Variants in LRRC69 observed in about 807,000 individuals in gnomAD.
LRRC69 encodes the protein leucine rich repeat containing 69, also known as leucine-rich repeat-containing protein 69.
LRRC69 carries 42 observed loss-of-function variants against 37.8 expected under a neutral mutation model. The ratio of observed to expected loss-of-function variants is 1.11; its 90% confidence interval spans 0.87 to 1.44. The LOEUF is 1.44. LRRC69 is among the 40% of genes most tolerant of loss of function. LRRC69 has a pLI of 0.00. For synonymous variants in LRRC69, 141 were observed against 143.1 expected, an observed-to-expected ratio of 0.99 and a Z score of 0.11; for missense variants, 357 against 401.9, an observed-to-expected ratio of 0.89 and a Z score of 0.96.
chr8:91,148,743 T>A (rs1808670817), intron 5 of LRRC69, among the ~76,000 whole-genome samples: 1 of 152,096 alleles, frequency 6.6e-6, no homozygotes, highest in East Asian at 1.9e-4. Context: ...CTCCAGCACC[T>A]GTTGTTTCCT....
chr8:91,132,778 G>A (rs151041075), intron 3 of LRRC69, among the ~76,000 whole-genome samples: 19 of 151,962 alleles, frequency 1.3e-4, no homozygotes, highest in East Asian at 9.7e-4. Flanking sequence ...AGGTATGTCC[G>A]TGTTCTCCTT....
chr8:91,156,045 T>A (rs562854357), intron 5 of LRRC69, among the ~76,000 whole-genome samples: 2 of 148,894 alleles, frequency 1.3e-5, no homozygotes, highest in Non-Finnish European at 3.0e-5. Context: ...TTCTTTGATA[T>A]ACTGATTTCC....
At chr8:91,114,377 T>C (rs1813469754) in intron 1 of LRRC69, among the ~76,000 whole-genome samples, 2 of 151,896 alleles carry the variant, frequency 1.3e-5, no homozygotes, top group African/African-American at 4.8e-5. Flanking sequence ...TTATTCACAA[T>C]AGCCAAGATA....
At chr8:91,123,299 G>A (rs1395511566) in intron 1 of LRRC69, among the ~76,000 whole-genome samples, 3 of 151,918 alleles carry the variant, frequency 2.0e-5, no homozygotes, top group Admixed American at 6.6e-5. Flanking sequence ...TACAGACTCT[G>A]GATAAAATAG....
chr8:91,204,791 A>G (rs764309164), intron 7 of LRRC69, among the ~76,000 whole-genome samples: 4 of 152,260 alleles, frequency 2.6e-5, no homozygotes, highest in Non-Finnish European at 4.4e-5. Context: ...GAGATACATT[A>G]TCTTTCTCAA....
chr8:91,121,362 C>A lies in LRRC69; in HGVS notation c.184-3131C>A, dbSNP rs538949920. The stretch of plus-strand genomic sequence containing the variant: ...ACTGAACTTAGAGTAAAATCCCAAC[C>A]CCTTACCCTAGTTTATGAAACCATA... On this transcript the variant is annotated intron_variant, in intron 1 of 7. Coordinates refer to ENST00000448384, the Ensembl canonical transcript of LRRC69. Among the ~76,000 whole-genome samples, 13 of 152,142 alleles carry A rather than the reference C, an allele frequency of 8.5e-5. No individual in the cohort carries two copies. In the South Asian group the frequency reaches 2.3e-3, roughly 27 times the overall value.
At chr8:91,129,185 G>A (rs765279951) in intron 3 of LRRC69, among the ~76,000 whole-genome samples, 2 of 151,988 alleles carry the variant, frequency 1.3e-5, no homozygotes, top group Non-Finnish European at 2.9e-5. Context: ...GAAGAGGACA[G>A]CATGGGCATC....
intron 5 of LRRC69, among the ~76,000 whole-genome samples, chr8:91,144,479 T>C (rs1808582775): frequency 6.6e-6 from 1 of 152,006 alleles, no homozygotes; most frequent in South Asian, 2.1e-4. Flanking sequence ...TCTGTTTATT[T>C]CTGTCTTACC....
At chr8:91,152,396 C>T (rs1382892063) in intron 5 of LRRC69, among the ~76,000 whole-genome samples, 1 of 151,566 alleles carries the variant, frequency 6.6e-6, no homozygotes, top group African/African-American at 2.4e-5. Flanking sequence ...ATACTTTCCC[C>T]ATTGCTTGTT....
At chr8:91,155,459 C>T (rs920330041) in intron 5 of LRRC69, among the ~76,000 whole-genome samples, 2 of 150,698 alleles carry the variant, frequency 1.3e-5, no homozygotes, top group African/African-American at 4.8e-5. Context: ...CTCAAATATT[C>T]ATCATTTCTT....
intron 4 of LRRC69, among the ~76,000 whole-genome samples, chr8:91,135,028 G>C (rs1014606626): frequency 1.1e-4 from 16 of 152,146 alleles, no homozygotes; most frequent in African/African-American, 3.9e-4. Context: ...GAAAATGCAA[G>C]AGTCGACAGC....
chr8:91,132,582 A>G (rs1401472083), intron 3 of LRRC69, among the ~76,000 whole-genome samples: 1 of 151,974 alleles, frequency 6.6e-6, no homozygotes, highest in African/African-American at 2.4e-5. Context: ...AGCCAATGGC[A>G]TTTGCTGTTC....
At chr8:91,118,436 T>A (rs1227779538) in intron 1 of LRRC69, 1 of 318,700 alleles carries the variant, frequency 3.1e-6, no homozygotes, top group African/African-American at 2.6e-5. Flanking sequence ...GGAAGCTGAA[T>A]GAGAATCACT....
intron 5 of LRRC69, among the ~76,000 whole-genome samples, chr8:91,172,537 C>G (rs1400856636): frequency 1.3e-5 from 2 of 151,770 alleles, no homozygotes; most frequent in Admixed American, 6.6e-5. Flanking sequence ...TTTTTTGAGA[C>G]TGAGTTTCAC....
intron 1 of LRRC69, among the ~76,000 whole-genome samples, chr8:91,117,926 C>G (rs1813541068): frequency 6.6e-6 from 1 of 151,514 alleles, no homozygotes. Context: ...AAATTATGTC[C>G]TGAGGGAAAT....
intron 1 of LRRC69, among the ~76,000 whole-genome samples, chr8:91,104,888 C>A (rs893027773): frequency 2.6e-5 from 4 of 152,056 alleles, no homozygotes; most frequent in African/African-American, 9.7e-5. Context: ...TAAAAAGTTA[C>A]ACATTCCAAG....
At chr8:91,201,932 G>A (rs1809717105) in intron 7 of LRRC69, among the ~76,000 whole-genome samples, 1 of 152,176 alleles carries the variant, frequency 6.6e-6, no homozygotes, top group South Asian at 2.1e-4. Flanking sequence ...TAGGCTGGGT[G>A]CGGTGGCTCA....
In LRRC69 at chr8:91,103,302, C is replaced by CTATTT. The variant is rs1420622433; in HGVS notation, c.183+458_183+459insTATTT. Reference sequence around the variant, plus strand: ...GGAGTTCCTTTTCAATTTCCTAGGGCAGGCTGAAACTTTGAAATGGAGTGT... The same window carrying CTATTT: ...GGAGTTCCTTTTCAATTTCCTAGGGCTATTTAGGCTGAAACTTTGAAATGGAGTGT... On this transcript the variant is annotated intron_variant, in intron 1 of 7. Transcript: ENST00000448384. Among the ~76,000 whole-genome samples the CTATTT allele has an allele frequency of 2.0e-3, 311 of 152,048 alleles. 10 individuals are homozygous for CTATTT. Among genetic ancestry groups the CTATTT allele is most frequent in the Admixed American group, 4.3e-3 (66 of 15,238 alleles).
intron 5 of LRRC69, among the ~76,000 whole-genome samples, chr8:91,181,512 G>T (rs1002634240): frequency 2.0e-5 from 3 of 152,110 alleles, no homozygotes; most frequent in Non-Finnish European, 2.9e-5. Context: ...ACAACATGTG[G>T]AACTGACATA....
Sources: allele counts gnomAD v4.1 joint callset (sites outside exome capture counted in the v4.1 genomes callset), GRCh38; gene constraint gnomAD v4.1.1; transcripts MANE v1.5; gene names NCBI Gene and HGNC (gene_info 2026-07-23, HGNC 2026-07-21).